Variants in CCNYL1 observed in about 807,000 individuals in gnomAD.
CCNYL1 encodes cyclin Y like 1.
In CCNYL1, 16 loss-of-function variants were observed where a neutral mutation model predicts 44.2. The observed-to-expected ratio is 0.36, with a 90% CI of 0.25 to 0.55. CCNYL1 has a LOEUF of 0.55. Ranked by LOEUF, CCNYL1 falls within the 20% of genes least tolerant of loss-of-function variation. The pLI is 0.85. For synonymous variants in CCNYL1, 159 were observed against 163.2 expected (o/e 0.97, Z 0.20); for missense variants, 348 against 451.8 (o/e 0.77, Z 2.08).
At chr2:207,742,625 AC>A (rs1446394448) in intron 7 of CCNYL1, among the ~76,000 whole-genome samples, 2 of 152,152 alleles carry the variant, frequency 1.3e-5, no homozygotes, top group African/African-American at 4.8e-5. Context: ...CAGTGTGTAC[AC>A]ATACAAGGCA....
At chr2:207,729,002 T>C (rs751379208) in intron 3 of CCNYL1, among the ~76,000 whole-genome samples, 5 of 152,124 alleles carry the variant, frequency 3.3e-5, no homozygotes, top group Non-Finnish European at 7.4e-5. Flanking sequence ...TTTTACCATG[T>C]TGGCCAGGAT....
At chr2:207,723,063 AC>A (rs1467777502) in intron 1 of CCNYL1, among the ~76,000 whole-genome samples, 1 of 152,134 alleles carries the variant, frequency 6.6e-6, no homozygotes, top group East Asian at 1.9e-4. Context: ...TAAAATTGTC[AC>A]GTCATCTTTT....
At chr2:207,713,973 C>G (rs2091573164) in intron 1 of CCNYL1, among the ~76,000 whole-genome samples, 1 of 152,056 alleles carries the variant, frequency 6.6e-6, no homozygotes, top group Admixed American at 6.6e-5. Context: ...AATAAGGCTC[C>G]CACCCAGTGT....
intron 1 of CCNYL1, among the ~76,000 whole-genome samples, chr2:207,722,402 A>C (rs2663897): frequency 0.16 from 23,587 of 151,890 alleles, 3,027 homozygotes; most frequent in East Asian, 0.39. Flanking sequence ...TTTACACAGT[A>C]GCACATCTTG....
At position 207,753,773 on chromosome 2, in the gene CCNYL1, A is replaced by T; in HGVS notation, c.*75A>T. The T allele has an allele frequency of 3.4e-6, 3 of 875,138 alleles. No individual in the cohort carries two copies. The highest frequency in any genetic ancestry group is 3.4e-5 in the African/African-American group (2 of 59,178). 54.2% of individuals were successfully genotyped at this position (875,138 alleles called of 1,614,324 possible). ...TGGAGAAATACCACCTTTCCTGCTC[A>T]AAAACCAGCAAAATTAGTGTTTTCA... On this transcript the variant is annotated 3_prime_UTR_variant, in exon 10 of 10. Transcript: ENST00000295414.
intron 9 of CCNYL1, among the ~76,000 whole-genome samples, chr2:207,752,417 C>T (rs930461443): frequency 6.6e-6 from 1 of 151,926 alleles, no homozygotes; most frequent in Non-Finnish European, 1.5e-5. Context: ...TGGCAGACGC[C>T]CAGTTACTCA....
At chr2:207,731,049 C>G (rs1438697569) in intron 3 of CCNYL1, among the ~76,000 whole-genome samples, 1 of 152,086 alleles carries the variant, frequency 6.6e-6, no homozygotes, top group Non-Finnish European at 1.5e-5. Context: ...TCTAGTAAGG[C>G]CTTAGGAATT....
intron 1 of CCNYL1, among the ~76,000 whole-genome samples, chr2:207,723,679 G>A (rs1259324755): frequency 2.0e-5 from 3 of 151,724 alleles, no homozygotes; most frequent in Non-Finnish European, 2.9e-5. Flanking sequence ...AGTTTGAGAC[G>A]AGCCTGGCCA....
chr2:207,753,832 T>C lies in CCNYL1; in HGVS notation c.*134T>C, dbSNP rs2091912282. The C allele has an allele frequency of 1.7e-6, 1 of 604,568 alleles. No homozygotes were observed. Among genetic ancestry groups the C allele is most frequent in the Non-Finnish European group, 2.9e-6 (1 of 340,184 alleles). 37.5% of individuals were successfully genotyped at this position (604,568 alleles called of 1,614,324 possible). On this transcript the variant is annotated 3_prime_UTR_variant, in exon 10 of 10. Transcript: ENST00000295414. ...AAAGATCTCAAATTCAAGAGACTCA[T>C]GGACAACAAGGATTATACTCCACAG... is the stretch of plus-strand genomic sequence containing the variant.
chr2:207,742,515 A>G (rs909485975), intron 7 of CCNYL1, among the ~76,000 whole-genome samples, 173 bp downstream of exon 7: 5 of 152,246 alleles, frequency 3.3e-5, no homozygotes, highest in African/African-American at 1.2e-4. Flanking sequence ...ATGGTTGAAC[A>G]TGTTTCCATT....
At chr2:207,723,415 A>C (rs1278030731) in intron 1 of CCNYL1, among the ~76,000 whole-genome samples, 1 of 152,222 alleles carries the variant, frequency 6.6e-6, no homozygotes, top group Non-Finnish European at 1.5e-5. Flanking sequence ...GTGCGTTTTG[A>C]TTTTGTAAGA....
At chr2:207,751,468 C>T (rs1021324344) in intron 9 of CCNYL1, among the ~76,000 whole-genome samples, 2 of 152,184 alleles carry the variant, frequency 1.3e-5, no homozygotes, top group South Asian at 2.1e-4. Flanking sequence ...GTCTGTAATC[C>T]CAGCACTTTG....
At chr2:207,735,916 G>GC (rs2091761555) in intron 4 of CCNYL1, among the ~76,000 whole-genome samples, 1 of 151,894 alleles carries the variant, frequency 6.6e-6, no homozygotes, top group Admixed American at 6.6e-5. Flanking sequence ...CACTCCTCAT[G>GC]CCCCAAGTCA....
chr2:207,735,285 T>C (rs981423395), intron 4 of CCNYL1, among the ~76,000 whole-genome samples: 1 of 152,228 alleles, frequency 6.6e-6, no homozygotes, highest in African/African-American at 2.4e-5. Context: ...AGGAAAGATT[T>C]TGAAAAATGT....
At chr2:207,741,019 G>A (rs1346350498) in intron 6 of CCNYL1, among the ~76,000 whole-genome samples, 1 of 152,120 alleles carries the variant, frequency 6.6e-6, no homozygotes, top group Non-Finnish European at 1.5e-5. Context: ...ACTTTGGGAG[G>A]CCGAGGCAGG....
chr2:207,738,440 T>C (rs960350327), intron 5 of CCNYL1, among the ~76,000 whole-genome samples: 6 of 152,096 alleles, frequency 3.9e-5, no homozygotes, highest in African/African-American at 1.4e-4. Context: ...AGGCTGGTCT[T>C]GAACTCCCGA....
At chr2:207,729,068 A>G (rs2091701390) in intron 3 of CCNYL1, among the ~76,000 whole-genome samples, 1 of 152,126 alleles carries the variant, frequency 6.6e-6, no homozygotes, top group Admixed American at 6.6e-5. Context: ...AAGTGTTGGG[A>G]TTACAGGCAT....
At chr2:207,729,714 G>A (rs2091710959) in intron 3 of CCNYL1, among the ~76,000 whole-genome samples, 1 of 148,958 alleles carries the variant, frequency 6.7e-6, no homozygotes, top group Admixed American at 6.7e-5. Flanking sequence ...CCTTTCCTTT[G>A]CTTTTCTTTC....
intron 2 of CCNYL1, among the ~76,000 whole-genome samples, chr2:207,725,168 C>T (rs2091670974): frequency 6.9e-6 from 1 of 145,804 alleles, no homozygotes; most frequent in African/African-American, 2.5e-5. Flanking sequence ...CCTTTATTGC[C>T]CATGCTGGAG....
Sources: gnomAD v4.1 joint callset for allele counts (sites outside exome capture counted in the v4.1 genomes callset) on GRCh38, gnomAD v4.1.1 for gene constraint, MANE v1.5 for transcripts, NCBI Gene and HGNC (gene_info 2026-07-23, HGNC 2026-07-21) for gene names.